Variants in ATM observed in about 807,000 individuals in gnomAD.
ATM encodes serine-protein kinase ATM.
In ATM, 308 loss-of-function variants were observed where a neutral mutation model predicts 387.0. The observed-to-expected ratio is 0.80, with a 90% CI of 0.73 to 0.87. ATM has a LOEUF of 0.87. Among genes scored for constraint, ATM ranks in the 40% least tolerant of loss-of-function variants. The pLI, the probability that ATM is intolerant of heterozygous loss-of-function variation, is 0.00. For missense variants in ATM, 3,312 were observed against 3,560.9 expected, an observed-to-expected ratio of 0.93 and a Z score of 1.78; for synonymous variants, 1,156 against 1,187.3, an observed-to-expected ratio of 0.97 and a Z score of 0.54.
chr11:108,343,510 C>A, intron 57 of ATM, 139 bp downstream of exon 57: 1 of 1,024,914 alleles, frequency 9.8e-7, no homozygotes, highest in Non-Finnish European at 1.4e-6. Flanking sequence ...AAAAGAAAAA[C>A]TCATCAGAAT....
chr11:108,287,396 C>A, intron 26 of ATM: 1 of 389,558 alleles, frequency 2.6e-6, no homozygotes, highest in Non-Finnish European at 4.5e-6. Flanking sequence ...GATTTTCATA[C>A]TTTTTCCTCT....
In ATM at chr11:108,366,316, GCTT is replaced by G. The variant is rs1336476525; in HGVS notation, c.*815_*817del. The G allele has an allele frequency of 1.9e-5, 4 of 210,450 alleles. No homozygotes were observed. The highest frequency in any genetic ancestry group is 7.2e-5 in the East Asian group (1 of 13,852). 13.0% of individuals were successfully genotyped at this position (210,450 alleles called of 1,614,324 possible). On this transcript the variant is annotated 3_prime_UTR_variant, in exon 63 of 63. Coordinates refer to ENST00000675843, the MANE Select transcript of ATM (RefSeq NM_000051.4). ...TAATCTCTTTTACCCTATCCATTGGGCTTCTTCTTTCAGAAATTGTTTTTCATT... is the reference window on the plus strand; with the variant it reads ...TAATCTCTTTTACCCTATCCATTGGGCTTCTTTCAGAAATTGTTTTTCATT...
rs759617968 is a variant in ATM at position 108,253,995 on chromosome 11, C to T, written c.2080C>T (p.Leu694Phe). ...TCTCAAGGAATCACTGGATCGCTGT[C>T]TTCTGGGATTATCAGAACAGCTTCT... is the stretch of plus-strand genomic sequence containing the variant. ...QNLKESLDRC[L>F]LGLSEQLLNN... is the part of the protein sequence containing the mutation. The change falls in exon 13 of 63, where the codon CTT (leucine) becomes TTT (phenylalanine). Residue 694 changes from leucine (L) to phenylalanine (F), a missense_variant. Physicochemically the swap from Leu to Phe is conservative, Grantham distance 22. Coordinates refer to ENST00000675843, the MANE Select transcript of ATM (RefSeq NM_000051.4). 1.2e-6 allele frequency: 2 copies of T among 1,613,972 alleles called. No homozygotes were observed. Among genetic ancestry groups the T allele is most frequent in the South Asian group, 2.2e-5 (2 of 91,084 alleles).
chr11:108,333,451 AATC>A (rs754042123), intron 53 of ATM, among the ~76,000 whole-genome samples: 6 of 152,206 alleles, frequency 3.9e-5, no homozygotes, highest in Non-Finnish European at 8.8e-5. Flanking sequence ...TTCTATTCAG[AATC>A]ATATCTTCAA....
At chr11:108,301,234 A>T (rs2083416043) in intron 34 of ATM, among the ~76,000 whole-genome samples, 1 of 152,188 alleles carries the variant, frequency 6.6e-6, no homozygotes, top group Non-Finnish European at 1.5e-5. Context: ...ACTTAAGAAT[A>T]CTAGGAAGCA....
At position 108,343,208 on chromosome 11, in the gene ATM, A is replaced by T. The variant is rs114320959; in HGVS notation, c.8269-14A>T. 3.3e-4 allele frequency: 537 copies of T among 1,613,914 alleles called. 4 individuals are homozygous for T. In the African/African-American group the frequency reaches 6.5e-3, roughly 19 times the overall value. ...GCCTTTTAAAATTAAAAGGTATTTAATCTGTAACTCCAGGTGGTTCCCCTC... is the reference window on the plus strand; with the variant it reads ...GCCTTTTAAAATTAAAAGGTATTTATTCTGTAACTCCAGGTGGTTCCCCTC... On this transcript the variant is annotated splice_polypyrimidine_tract_variant and intron_variant, in intron 56 of 62. Transcript: ENST00000675843.
At chr11:108,257,098 C>CAATGTGGAATTCAATCA (rs1387045121) in intron 14 of ATM, among the ~76,000 whole-genome samples, 1 of 152,200 alleles carries the variant, frequency 6.6e-6, no homozygotes, top group Non-Finnish European at 1.5e-5. Flanking sequence ...GCCACACTGT[C>CAATGTGGAATTCAATCA]TTCCACAATG....
intron 13 of ATM, among the ~76,000 whole-genome samples, chr11:108,255,261 C>T (rs1183120311): frequency 2.0e-5 from 3 of 151,984 alleles, no homozygotes; most frequent in Non-Finnish European, 4.4e-5. Flanking sequence ...TCTTTACTGA[C>T]ATTCTTCTGC....
intron 13 of ATM, 124 bp from the exon 14 acceptor site, chr11:108,256,091 A>G (rs2080460459): frequency 1.2e-6 from 1 of 852,190 alleles, no homozygotes; most frequent in African/African-American, 1.8e-5. Flanking sequence ...AGGATATGCC[A>G]CCTTTAACTC....
intron 4 of ATM, chr11:108,231,635 G>T (rs2079015913): frequency 6.9e-6 from 1 of 145,126 alleles, no homozygotes; most frequent in Non-Finnish European, 1.5e-5. Flanking sequence ...GGTGGAGGTT[G>T]CAGTGAGCTG....
rs56123940 is a variant in ATM at position 108,244,874 on chromosome 11, G to A, written c.749G>A (p.Arg250Gln). Residue 250 changes from arginine (R) to glutamine (Q), a missense_variant, in exon 7 of 63, where the codon CGA becomes CAA. Arg to Gln is a conservative substitution (Grantham distance 43). This residue lies in a region of ATM where 1,791 missense variants were observed against 1,804.5 expected (regional missense o/e 0.99). Coordinates refer to ENST00000675843, the MANE Select transcript of ATM (RefSeq NM_000051.4). ...LKTLAVNFRI[R>Q]VCELGDEILP... ...ACTTTGGCTGTCAACTTTCGAATTC[G>A]AGTGTGTGAATTAGGAGATGAAATT... 93 of 1,613,626 alleles carry A rather than the reference G, an allele frequency of 5.8e-5. 1 individual carries two copies. The highest frequency in any genetic ancestry group is 7.0e-5 in the Non-Finnish European group (83 of 1,179,902).
At chr11:108,319,828 A>G in intron 43 of ATM, 126 bp from the exon 44 acceptor site, 2 of 689,720 alleles carry the variant, frequency 2.9e-6, no homozygotes, top group Non-Finnish European at 5.0e-6. Context: ...CAAAAATTCT[A>G]GAAATGCATT....
intron 5 of ATM, among the ~76,000 whole-genome samples, chr11:108,238,734 T>C (rs1027643469): frequency 3.0e-4 from 45 of 152,142 alleles, no homozygotes; most frequent in African/African-American, 9.9e-4. Flanking sequence ...TTTTTTTTTC[T>C]TTCTTTCTGA....
intron 56 of ATM, 96 bp downstream of exon 56, chr11:108,336,057 G>A: frequency 1.1e-6 from 1 of 939,752 alleles, no homozygotes; most frequent in Non-Finnish European, 1.7e-6. Flanking sequence ...AATGCTTTGG[G>A]AGGCCAAGGT....
At chr11:108,295,380 G>A (rs1488643801) in intron 32 of ATM, 1 of 317,994 alleles carries the variant, frequency 3.1e-6, no homozygotes, top group African/African-American at 2.2e-5. Context: ...AGGCTGGAGT[G>A]TAGTGGCACC....
chr11:108,327,156 C>T (rs1029650507), intron 47 of ATM, among the ~76,000 whole-genome samples: 1 of 152,088 alleles, frequency 6.6e-6, no homozygotes, highest in Non-Finnish European at 1.5e-5. Context: ...GTTGGGCACT[C>T]ATTGTATAGC....
intron 6 of ATM, 55 bp from the exon 7 acceptor site, chr11:108,244,733 T>G: frequency 7.6e-7 from 1 of 1,323,090 alleles, no homozygotes; most frequent in Non-Finnish European, 1.1e-6. Flanking sequence ...ACTGTTCAGT[T>G]TGTACAGTTT....
intron 27 of ATM, 98 bp downstream of exon 27, chr11:108,287,813 C>A: frequency 1.2e-6 from 1 of 855,800 alleles, no homozygotes; most frequent in Admixed American, 2.5e-5. Context: ...AATTTATAGA[C>A]ATCACTCTTT....
At chr11:108,304,533 C>A in intron 36 of ATM, 142 bp from the exon 37 acceptor site, 1 of 845,564 alleles carries the variant, frequency 1.2e-6, no homozygotes. Context: ...GTTTTTTTAG[C>A]AGTATGTTGA....
Sources: allele counts gnomAD v4.1 joint callset (sites outside exome capture counted in the v4.1 genomes callset), GRCh38; gene constraint gnomAD v4.1.1; regional missense constraint gnomAD v4.1.1; transcripts MANE v1.5; gene names NCBI Gene and HGNC (gene_info 2026-07-23, HGNC 2026-07-21).